Variants in LINC00632 observed in about 807,000 individuals in gnomAD.
LINC00632 encodes ALDOA related specific transcript.
At chrX:140,771,440 T>C (rs1569356092) in intron 3 of LINC00632, among the ~76,000 whole-genome samples, 1 of 107,476 alleles carries the variant, frequency 9.3e-6, no homozygotes, top group Non-Finnish European at 1.9e-5. Flanking sequence ...GGAAAGGTGA[T>C]GAAAGAAATC....
intron 3 of LINC00632, among the ~76,000 whole-genome samples, chrX:140,741,695 T>A (rs989790018): frequency 2.7e-5 from 3 of 112,074 alleles, no homozygotes; most frequent in African/African-American, 9.7e-5. Context: ...ATGAGGGAAC[T>A]CATTTTCTTG....
intron 3 of LINC00632, among the ~76,000 whole-genome samples, chrX:140,740,436 A>C (rs1011957804): frequency 2.7e-5 from 3 of 111,349 alleles, no homozygotes; most frequent in Non-Finnish European, 5.6e-5. Context: ...ACATTATCTC[A>C]AGAATCAATA....
intron 3 of LINC00632, chrX:140,772,040 T>C: frequency 3.5e-6 from 1 of 282,661 alleles, no homozygotes. Context: ...CCTCTGTTCC[T>C]GACCTCATTT....
exon 5 of LINC00632, among the ~76,000 whole-genome samples, chrX:140,787,343 C>G (rs1309928147): frequency 9.9e-5 from 11 of 111,433 alleles, no homozygotes; most frequent in Non-Finnish European, 2.1e-4. Flanking sequence ...TTGTGAACAA[C>G]TTTCTATGTC....
chrX:140,747,191 TG>T (rs1931338514), intron 3 of LINC00632, among the ~76,000 whole-genome samples: 1 of 112,019 alleles, frequency 8.9e-6, no homozygotes, highest in Non-Finnish European at 1.9e-5. Flanking sequence ...GGCTGGAATT[TG>T]CATTTTTTTC....
intron 3 of LINC00632, among the ~76,000 whole-genome samples, chrX:140,743,224 CAAAAAAAAAAAAAAAAAAAAA>C (rs58322122): frequency 6.8e-5 from 3 of 44,327 alleles, no homozygotes; most frequent in South Asian, 1.2e-3. Context: ...AACGCTGTCT[CAAAAAAAAAAAAAAAAAAAAA>C]AAAAAAAAAA....
intron 3 of LINC00632, among the ~76,000 whole-genome samples, chrX:140,751,508 C>T (rs925332007): frequency 5.4e-5 from 6 of 111,043 alleles, no homozygotes; most frequent in African/African-American, 2.0e-4. Flanking sequence ...TAACCTAAAC[C>T]GATCTGCCAG....
chrX:140,741,054 G>A (rs146773141), intron 3 of LINC00632, among the ~76,000 whole-genome samples: 124 of 111,675 alleles, frequency 1.1e-3, no homozygotes, highest in African/African-American at 4.0e-3. Context: ...ACAACCTGGG[G>A]CATCTTCTGT....
At chrX:140,733,248 G>T (rs1931088654) in intron 2 of LINC00632, among the ~76,000 whole-genome samples, 1 of 112,584 alleles carries the variant, frequency 8.9e-6, no homozygotes, top group South Asian at 3.6e-4. Flanking sequence ...GCGCTTTCGC[G>T]TGCACAGAAT....
rs756836114 is a variant in LINC00632, at chrX:140,718,888, C to T, written n.104+7232C>T. ...GCAAATGCACTCTATCATACACATA[C>T]GTGCTCTACAATACACATACTCACC... On this transcript the variant is annotated intron_variant and non_coding_transcript_variant, in intron 2 of 4. Transcript: ENST00000648200. Among the ~76,000 whole-genome samples the T allele has an allele frequency of 5.4e-5, 6 of 111,881 alleles. No homozygotes were observed. The Admixed American group carries it at 5.7e-4, about 11-fold the overall frequency.
chrX:140,758,813 C>T (rs1931537129), intron 3 of LINC00632, among the ~76,000 whole-genome samples: 1 of 111,987 alleles, frequency 8.9e-6, no homozygotes, highest in Admixed American at 9.5e-5. Context: ...CTGACAGTGA[C>T]AACTGATGGC....
chrX:140,742,871 GAGAGAGAGGA>G (rs1210241612), intron 3 of LINC00632, among the ~76,000 whole-genome samples: 3 of 95,570 alleles, frequency 3.1e-5, no homozygotes, highest in Admixed American at 2.3e-4. Context: ...GAGAGAGAGA[GAGAGAGAGGA>G]AGGAAGGAAG....
chrX:140,762,899 T>C (rs1375363231), intron 3 of LINC00632, among the ~76,000 whole-genome samples: 2 of 112,091 alleles, frequency 1.8e-5, no homozygotes, highest in Non-Finnish European at 3.8e-5. Flanking sequence ...TGGCAAGCAG[T>C]AGTTTGCAGA....
At chrX:140,718,722 A>G (rs1162144999) in intron 2 of LINC00632, among the ~76,000 whole-genome samples, 1 of 111,622 alleles carries the variant, frequency 9.0e-6, no homozygotes, top group Non-Finnish European at 1.9e-5. Context: ...GACTGTACCT[A>G]TTCCGTAACG....
Position 140,789,695 on chromosome X carries a change from A to C in LINC00632, n.17714A>C, listed in dbSNP as rs966808410. ...TCCTTTAAATTATTTTTCTCTAATAATTTGTAAAGTTAAGCAACTTTTCAT... is the reference window on the plus strand; with the variant it reads ...TCCTTTAAATTATTTTTCTCTAATACTTTGTAAAGTTAAGCAACTTTTCAT... On this transcript the variant is annotated non_coding_transcript_exon_variant, in exon 5 of 5. Transcript: ENST00000648200. Among the ~76,000 whole-genome samples, 3 of 111,994 alleles carry C rather than the reference A, an allele frequency of 2.7e-5. No individual in the cohort carries two copies. In the East Asian group the frequency reaches 8.5e-4, roughly 32 times the overall value.
chrX:140,725,325 A>G (rs775716098), intron 2 of LINC00632, among the ~76,000 whole-genome samples: 15 of 111,758 alleles, frequency 1.3e-4, no homozygotes, highest in African/African-American at 4.9e-4. Context: ...CCATACACAC[A>G]CACATATTCC....
At chrX:140,752,430 T>C (rs1183444777) in intron 3 of LINC00632, among the ~76,000 whole-genome samples, 1 of 111,830 alleles carries the variant, frequency 8.9e-6, no homozygotes, top group Non-Finnish European at 1.9e-5. Context: ...ATGTGGTACA[T>C]GAATATGGCC....
intron 3 of LINC00632, among the ~76,000 whole-genome samples, chrX:140,771,764 C>A (rs1281437732): frequency 1.7e-4 from 18 of 103,109 alleles, no homozygotes; most frequent in African/African-American, 6.3e-4. Context: ...ACTGCAACCT[C>A]TGCCCCCTGG....
At chrX:140,726,378 A>G (rs772649235) in intron 2 of LINC00632, among the ~76,000 whole-genome samples, 2 of 111,129 alleles carry the variant, frequency 1.8e-5, no homozygotes, top group African/African-American at 3.3e-5. Context: ...ATTATAACCA[A>G]CTCAGATCTA....
Sources: allele counts gnomAD v4.1 joint callset (sites outside exome capture counted in the v4.1 genomes callset), GRCh38; gene constraint gnomAD v4.1.1; transcripts MANE v1.5; gene names NCBI Gene and HGNC (gene_info 2026-07-23, HGNC 2026-07-21).